The following PRKN variants were observed in gnomAD, a reference collection of about 807,000 sequenced individuals.
PRKN encodes the protein parkin RBR E3 ubiquitin protein ligase.
Under a neutral mutation model 59.5 loss-of-function variants are expected in PRKN, and 56 were observed. The ratio of observed to expected loss-of-function variants is 0.94; its 90% CI spans 0.76 to 1.18. The LOEUF is 1.18. Among genes scored for constraint, PRKN ranks in the 50% most tolerant of loss-of-function variants. PRKN has a pLI of 0.00. For missense variants in PRKN, 657 were observed against 596.4 expected (o/e 1.10, Z -1.06); for synonymous variants, 250 against 222.1 (o/e 1.13, Z -1.12).
Position 162,658,685 on chromosome 6 carries a change from GA to G in PRKN, c.7+68976del, listed in dbSNP as rs371670921. 3.2e-4 allele frequency among the ~76,000 whole-genome samples: 27 copies of G among 85,180 alleles called. No homozygotes were observed. The East Asian group carries it at 0.011, about 34-fold the overall frequency. 55.9% of individuals were successfully genotyped at this position (85,180 alleles called of 152,430 possible). A position where few individuals can be genotyped will look rare whatever the true frequency, so the allele number is the denominator to read the frequency against. The stretch of plus-strand genomic sequence containing the variant: ...AAAAAAAAAAAAAAGAAAAAAAAAA[GA>G]AAAAAGAAAAAGAAAAAGAAAACAA... On this transcript the variant is annotated intron_variant, in intron 1 of 11. Transcript: ENST00000366898.
chr6:161,437,211 G>A (rs1404439421), intron 9 of PRKN, among the ~76,000 whole-genome samples: 2 of 152,074 alleles, frequency 1.3e-5, no homozygotes, highest in African/African-American at 2.4e-5. Flanking sequence ...GTGGACTCCC[G>A]CTCTCTCTAA....
chr6:162,106,120 A>G (rs984123925), intron 4 of PRKN, among the ~76,000 whole-genome samples: 3 of 152,244 alleles, frequency 2.0e-5, no homozygotes, highest in Admixed American at 6.5e-5. Flanking sequence ...TCAGAGTTAA[A>G]GTATGTCGTT....
chr6:161,476,913 A>C (rs954232297), intron 9 of PRKN, among the ~76,000 whole-genome samples: 6 of 152,238 alleles, frequency 3.9e-5, no homozygotes, highest in Admixed American at 6.5e-5. Context: ...TGCTAACAGA[A>C]AAACTGGTGG....
intron 2 of PRKN, among the ~76,000 whole-genome samples, chr6:162,431,352 G>A (rs1020685358): frequency 1.3e-5 from 2 of 152,074 alleles, no homozygotes; most frequent in East Asian, 1.9e-4. Context: ...TGTGATACGC[G>A]AACTGTTGTC....
intron 1 of PRKN, among the ~76,000 whole-genome samples, chr6:162,468,238 TCTCA>T (rs2128176812): frequency 6.6e-6 from 1 of 152,348 alleles, no homozygotes; most frequent in Non-Finnish European, 1.5e-5. Context: ...GCATCCCTCG[TCTCA>T]CTAATTAGAA....
chr6:162,675,070 C>T (rs1237879728), intron 1 of PRKN, among the ~76,000 whole-genome samples: 6 of 150,552 alleles, frequency 4.0e-5, no homozygotes, highest in African/African-American at 7.3e-5. Flanking sequence ...ATTTATGAAA[C>T]GGAGTCTGGC....
chr6:162,493,160 C>G (rs112644311), intron 1 of PRKN, among the ~76,000 whole-genome samples: 1 of 152,210 alleles, frequency 6.6e-6, no homozygotes, highest in Non-Finnish European at 1.5e-5. Context: ...ACATTTCTAT[C>G]GCCAACCTGC....
intron 7 of PRKN, among the ~76,000 whole-genome samples, chr6:161,589,666 T>C (rs1390113799): frequency 6.6e-6 from 1 of 152,098 alleles, no homozygotes; most frequent in Non-Finnish European, 1.5e-5. Context: ...TGCATAGAGA[T>C]GTTTGTCTTA....
chr6:162,218,446 C>T (rs1183345815), intron 3 of PRKN, among the ~76,000 whole-genome samples: 1 of 152,164 alleles, frequency 6.6e-6, no homozygotes, highest in Non-Finnish European at 1.5e-5. Flanking sequence ...TAGAGTCCTG[C>T]TGAGCATGGC....
chr6:162,557,126 T>C (rs1293736661), intron 1 of PRKN, among the ~76,000 whole-genome samples: 1 of 152,202 alleles, frequency 6.6e-6, no homozygotes, highest in Non-Finnish European at 1.5e-5. Context: ...AGCTGAACAA[T>C]TCCTTTTGCC....
intron 6 of PRKN, among the ~76,000 whole-genome samples, chr6:161,833,790 T>C (rs940374400): frequency 6.6e-6 from 1 of 152,172 alleles, no homozygotes; most frequent in Non-Finnish European, 1.5e-5. Context: ...AGAAAGGGTA[T>C]GTGGGAAGCA....
intron 5 of PRKN, among the ~76,000 whole-genome samples, chr6:161,979,091 T>C (rs534627536): frequency 2.6e-5 from 4 of 152,156 alleles, no homozygotes; most frequent in African/African-American, 4.8e-5. Context: ...TGTATACCAA[T>C]AGTCACTTCT....
chr6:162,142,305 G>A (rs1294923087), intron 4 of PRKN, among the ~76,000 whole-genome samples: 1 of 152,190 alleles, frequency 6.6e-6, no homozygotes, highest in Non-Finnish European at 1.5e-5. Flanking sequence ...GCCCAGTGGT[G>A]AAGAGCCTGC....
intron 1 of PRKN, among the ~76,000 whole-genome samples, chr6:162,625,632 A>G (rs760947797): frequency 1.6e-4 from 24 of 151,638 alleles, no homozygotes; most frequent in Non-Finnish European, 3.2e-4. Flanking sequence ...TCTCCACACT[A>G]CTTCACCACC....
At chr6:162,276,778 G>A (rs1007003493) in intron 2 of PRKN, among the ~76,000 whole-genome samples, 9 of 150,128 alleles carry the variant, frequency 6.0e-5, no homozygotes, top group South Asian at 4.2e-4. Flanking sequence ...TACTTTTTTC[G>A]CTTAATTTCC....
chr6:161,811,932 A>G (rs1184471994), intron 6 of PRKN, among the ~76,000 whole-genome samples: 1 of 151,802 alleles, frequency 6.6e-6, no homozygotes, highest in Non-Finnish European at 1.5e-5. Context: ...AAAAATAAAT[A>G]AATAAATAAA....
At chr6:161,871,709 G>A (rs1392741856) in intron 6 of PRKN, among the ~76,000 whole-genome samples, 1 of 152,128 alleles carries the variant, frequency 6.6e-6, no homozygotes, top group Non-Finnish European at 1.5e-5. Flanking sequence ...GCTATCATAT[G>A]AAGTTTAAGA....
At chr6:162,315,197 A>G (rs557332457) in intron 2 of PRKN, among the ~76,000 whole-genome samples, 1 of 152,208 alleles carries the variant, frequency 6.6e-6, no homozygotes, top group Non-Finnish European at 1.5e-5. Flanking sequence ...TGCATCTTAT[A>G]GCCATGAACT....
At chr6:161,941,062 G>A (rs1056700945) in intron 6 of PRKN, among the ~76,000 whole-genome samples, 2 of 152,236 alleles carry the variant, frequency 1.3e-5, no homozygotes, top group African/African-American at 2.4e-5. Context: ...TATGGAAGGT[G>A]GGGAAGGGAA....
Sources: gnomAD v4.1 joint callset for allele counts (sites outside exome capture counted in the v4.1 genomes callset) on GRCh38, gnomAD v4.1.1 for gene constraint, MANE v1.5 for transcripts, NCBI Gene and HGNC (gene_info 2026-07-23, HGNC 2026-07-21) for gene names.